ITSN1: variants seen among roughly 807,000 people sequenced by gnomAD.
ITSN1 encodes the protein intersectin 1, also known as intersectin-1.
Under a neutral mutation model 239.8 loss-of-function variants are expected in ITSN1, and 58 were observed. That is an observed-to-expected ratio of 0.24 (90% CI 0.20 to 0.30). The LOEUF (loss-of-function observed/expected upper bound fraction) is 0.30. ITSN1 is among the 10% of genes least tolerant of loss of function. ITSN1 has a pLI of 1.00. For missense variants in ITSN1, 1,558 were observed against 2,103.3 expected, an observed-to-expected ratio of 0.74 and a Z score of 5.07; for synonymous variants, 780 against 770.8, an observed-to-expected ratio of 1.01 and a Z score of -0.20.
chr21:33,883,054 A>C (rs1985185781), intron 35 of ITSN1, among the ~76,000 whole-genome samples: 1 of 152,178 alleles, frequency 6.6e-6, no homozygotes. Context: ...GGCAGCAGTT[A>C]GCTTTATTAT....
At chr21:33,694,408 AGTC>A (rs1197561736) in intron 1 of ITSN1, among the ~76,000 whole-genome samples, 4 of 152,230 alleles carry the variant, frequency 2.6e-5, no homozygotes, top group Non-Finnish European at 4.4e-5. Flanking sequence ...TTAAAAATAA[AGTC>A]ATGGTGAATG....
At chr21:33,883,184 G>A (rs1038083510) in intron 35 of ITSN1, among the ~76,000 whole-genome samples, 2 of 152,208 alleles carry the variant, frequency 1.3e-5, no homozygotes, top group African/African-American at 4.8e-5. Flanking sequence ...CAGGAAAAGC[G>A]ACACCAGCCA....
At position 33,818,374 on chromosome 21, in the gene ITSN1, G is replaced by A; in HGVS notation, c.2835G>A (p.Gln945=). 1 of 1,614,204 alleles carries A rather than the reference G, an allele frequency of 6.2e-7. No homozygotes were observed. Among genetic ancestry groups the A allele is most frequent in the Non-Finnish European group, 8.5e-7 (1 of 1,180,036 alleles). ...NKNDVITVLE[Q]QDMWWFGEVQ... ...ATGATGTCATCACCGTCCTGGAACAGCAAGACATGTGGTGGTTTGGAGAAG... is the reference window on the plus strand; with the variant it reads ...ATGATGTCATCACCGTCCTGGAACAACAAGACATGTGGTGGTTTGGAGAAG... The change falls in exon 23 of 40, where the codon CAG becomes CAA. Residue 945 remains glutamine (Q), a synonymous_variant. Transcript: ENST00000381318.
intron 27 of ITSN1, among the ~76,000 whole-genome samples, chr21:33,829,995 G>A (rs2074199018): frequency 6.6e-6 from 1 of 152,098 alleles, no homozygotes; most frequent in Non-Finnish European, 1.5e-5. Context: ...AGATAGAGTC[G>A]GCATAGTGAG....
chr21:33,799,145 C>T (rs919449681), intron 18 of ITSN1, among the ~76,000 whole-genome samples: 1 of 152,100 alleles, frequency 6.6e-6, no homozygotes, highest in African/African-American at 2.4e-5. Context: ...AACCAGAATC[C>T]AAAATATCCT....
chr21:33,868,939 T>G (rs913523487), intron 33 of ITSN1, among the ~76,000 whole-genome samples: 1 of 151,940 alleles, frequency 6.6e-6, no homozygotes, highest in Non-Finnish European at 1.5e-5. Flanking sequence ...AGTCAGAAAA[T>G]GAGAGCTTAG....
chr21:33,734,435 C>T (rs1222607981), intron 4 of ITSN1, among the ~76,000 whole-genome samples: 1 of 152,118 alleles, frequency 6.6e-6, no homozygotes, highest in Non-Finnish European at 1.5e-5. Context: ...TGATATGGGG[C>T]ATGATTCTAA....
chr21:33,885,289 A>G, intron 37 of ITSN1, 150 bp from the exon 38 acceptor site: 1 of 978,156 alleles, frequency 1.0e-6, no homozygotes, highest in Non-Finnish European at 1.6e-6. Flanking sequence ...TGGAGGGCAA[A>G]TTCCAGGAGC....
chr21:33,800,732 CTAGT>C (rs2071927051), intron 19 of ITSN1, among the ~76,000 whole-genome samples: 2 of 151,342 alleles, frequency 1.3e-5, no homozygotes, highest in Non-Finnish European at 2.9e-5. Flanking sequence ...GTTCCTTGTT[CTAGT>C]TACTCTCTTT....
chr21:33,875,419 G>A lies in ITSN1; in HGVS notation c.4239G>A (p.Ala1413=), dbSNP rs1340531711. ...ACTTGAAGCACGCCCTGGAGAAGGC[G>A]GAAGAGCTCTGTTCCCAGGTGAACG... is the stretch of plus-strand genomic sequence containing the variant. The part of the protein sequence containing the change: ...HSHLKHALEK[A]EELCSQVNEG... Residue 1413 remains alanine, a synonymous_variant, in exon 34 of 40, where the codon GCG becomes GCA. Coordinates refer to ENST00000381318, the MANE Select transcript of ITSN1 (RefSeq NM_003024.3). 5 of 1,614,026 alleles carry A rather than the reference G, an allele frequency of 3.1e-6. No individual in the cohort carries two copies. The highest frequency in any genetic ancestry group is 3.4e-6 in the Non-Finnish European group (4 of 1,180,028).
chr21:33,887,593 C>A (rs963868780), intron 39 of ITSN1, among the ~76,000 whole-genome samples: 3 of 128,098 alleles, frequency 2.3e-5, no homozygotes, highest in African/African-American at 5.4e-5. Flanking sequence ...ATTCTTTTTT[C>A]TTTTTATTTT....
In ITSN1 at chr21:33,875,377, C is replaced by A. The variant is rs1351369998; in HGVS notation, c.4197C>A (p.Asn1399Lys). 9.0e-6 allele frequency: 14 copies of A among 1,547,240 alleles called. No homozygotes were observed. Among genetic ancestry groups the A allele is most frequent in the Non-Finnish European group, 1.2e-5 (14 of 1,148,944 alleles). ...AGATCCTGGAAAACACCCCTGAAAACCACCCGGACCACAGCCACTTGAAGC... is the reference window on the plus strand; with the variant it reads ...AGATCCTGGAAAACACCCCTGAAAAACACCCGGACCACAGCCACTTGAAGC... ...IKNILENTPE[N>K]HPDHSHLKHA... The change falls in exon 34 of 40, where the codon AAC (asparagine) becomes AAA (lysine). Residue 1399 changes from asparagine (N) to lysine (K), a missense_variant. This residue lies in a region of ITSN1 where 576 missense variants were observed against 893.3 expected (regional missense o/e 0.64). Coordinates refer to ENST00000381318, the MANE Select transcript of ITSN1 (RefSeq NM_003024.3).
intron 1 of ITSN1, among the ~76,000 whole-genome samples, chr21:33,698,701 A>ACCTTT (rs2091896006): frequency 6.6e-6 from 1 of 152,042 alleles, no homozygotes; most frequent in South Asian, 2.1e-4. Flanking sequence ...CGCTTTCAGT[A>ACCTTT]CCTTTTCTCT....
At chr21:33,787,164 G>A (rs567218388) in intron 16 of ITSN1, among the ~76,000 whole-genome samples, 1 of 152,130 alleles carries the variant, frequency 6.6e-6, no homozygotes, top group Admixed American at 6.5e-5. Flanking sequence ...GCTGGACAAG[G>A]TACTGTATAC....
chr21:33,847,605 G>T (rs2075025346), intron 29 of ITSN1, among the ~76,000 whole-genome samples: 1 of 152,198 alleles, frequency 6.6e-6, no homozygotes, highest in Non-Finnish European at 1.5e-5. Context: ...GGGGTCAGTG[G>T]TGGCAGCGTG....
chr21:33,679,553 G>A (rs1033191506), intron 1 of ITSN1, among the ~76,000 whole-genome samples: 2 of 152,122 alleles, frequency 1.3e-5, no homozygotes, highest in African/African-American at 4.8e-5. Context: ...TTATGTTACT[G>A]GGAGTACAAA....
chr21:33,812,115 G>A (rs1320524618), intron 21 of ITSN1, among the ~76,000 whole-genome samples: 2 of 152,148 alleles, frequency 1.3e-5, no homozygotes, highest in African/African-American at 2.4e-5. Flanking sequence ...GGCTGAAGGC[G>A]CTAAAGAAGG....
intron 1 of ITSN1, among the ~76,000 whole-genome samples, chr21:33,661,241 T>TAA (rs35668241): frequency 2.7e-3 from 403 of 150,202 alleles, no homozygotes; most frequent in East Asian, 0.026. Context: ...CGAGTTCCTG[T>TAA]AAAAAAAAAA....
intron 24 of ITSN1, 77 bp downstream of exon 24, chr21:33,819,400 C>T (rs1394614581): frequency 2.9e-6 from 3 of 1,049,546 alleles, no homozygotes; most frequent in South Asian, 1.4e-5. Flanking sequence ...GATTGAATTT[C>T]ATCTTAAGAT....
Sources: gnomAD v4.1 joint callset for allele counts (sites outside exome capture counted in the v4.1 genomes callset) on GRCh38, gnomAD v4.1.1 for gene constraint, gnomAD v4.1.1 regional missense constraint, MANE v1.5 for transcripts, NCBI Gene and HGNC (gene_info 2026-07-23, HGNC 2026-07-21) for gene names.